Variants in AMPH observed in about 807,000 individuals in gnomAD.
AMPH encodes amphiphysin.
AMPH carries 49 observed loss-of-function variants against 99.1 expected under a neutral mutation model. The ratio of observed to expected loss-of-function variants is 0.49; its 90% CI spans 0.39 to 0.63. The LOEUF is 0.63. Among genes scored for constraint, AMPH ranks in the 20% least tolerant of loss-of-function variants. AMPH has a pLI of 0.00. For missense variants in AMPH, 759 were observed against 863.4 expected (o/e 0.88, Z 1.52); for synonymous variants, 314 against 317.3 (o/e 0.99, Z 0.11).
At chr7:38,521,879 C>T (rs1789977350) in intron 2 of AMPH, among the ~76,000 whole-genome samples, 1 of 152,126 alleles carries the variant, frequency 6.6e-6, no homozygotes, top group African/African-American at 2.4e-5. Context: ...GTAGGCGCTT[C>T]CCATGTACAC....
intron 1 of AMPH, among the ~76,000 whole-genome samples, chr7:38,601,346 C>T (rs893663950): frequency 1.3e-5 from 2 of 152,198 alleles, no homozygotes; most frequent in African/African-American, 4.8e-5. Flanking sequence ...GTTAAAATAG[C>T]ATCTCATTAA....
chr7:38,441,853 T>TATATATC (rs749231938), intron 11 of AMPH, among the ~76,000 whole-genome samples: 10 of 91,028 alleles, frequency 1.1e-4, no homozygotes, highest in African/African-American at 2.7e-4. Context: ...ATATATATCA[T>TATATATC]ATATATCATA....
At chr7:38,435,634 C>T (rs1348384895) in intron 12 of AMPH, among the ~76,000 whole-genome samples, 2 of 152,164 alleles carry the variant, frequency 1.3e-5, no homozygotes, top group Non-Finnish European at 2.9e-5. Flanking sequence ...CCACCAGTAT[C>T]CTCTGACAGA....
intron 1 of AMPH, among the ~76,000 whole-genome samples, chr7:38,602,396 C>T (rs2129061818): frequency 6.6e-6 from 1 of 152,334 alleles, no homozygotes; most frequent in Middle Eastern, 3.4e-3. Flanking sequence ...TCTTACCAGG[C>T]TAACATCGAG....
At chr7:38,469,498 C>T (rs1584133285) in intron 7 of AMPH, among the ~76,000 whole-genome samples, 1 of 152,096 alleles carries the variant, frequency 6.6e-6, no homozygotes, top group Admixed American at 6.5e-5. Context: ...TCCTGCAGAC[C>T]CTCTTGCAGT....
intron 1 of AMPH, among the ~76,000 whole-genome samples, chr7:38,549,909 C>T (rs1016347630): frequency 6.6e-6 from 1 of 152,144 alleles, no homozygotes; most frequent in African/African-American, 2.4e-5. Flanking sequence ...TTAAAATGAT[C>T]GAGATATGTT....
chr7:38,396,073 C>T (rs767057596), intron 17 of AMPH, among the ~76,000 whole-genome samples: 32 of 152,322 alleles, frequency 2.1e-4, no homozygotes, highest in Non-Finnish European at 3.5e-4. Context: ...TGAGAATCTC[C>T]TATTACGAGG....
intron 1 of AMPH, among the ~76,000 whole-genome samples, chr7:38,539,460 T>C (rs1022499778): frequency 6.6e-6 from 1 of 151,892 alleles, no homozygotes; most frequent in African/African-American, 2.4e-5. Flanking sequence ...GGTCACACAG[T>C]AAGAAAAGTT....
chr7:38,621,356 C>T (rs1405362901), intron 1 of AMPH, among the ~76,000 whole-genome samples: 1 of 152,196 alleles, frequency 6.6e-6, no homozygotes, highest in Non-Finnish European at 1.5e-5. Context: ...GCTCTGTATG[C>T]TCAACCAGGA....
At chr7:38,398,800 C>T (rs1232501224) in intron 17 of AMPH, among the ~76,000 whole-genome samples, 1 of 152,054 alleles carries the variant, frequency 6.6e-6, no homozygotes, top group African/African-American at 2.4e-5. Context: ...ATCTCACGTA[C>T]CTCATAAATA....
intron 2 of AMPH, 142 bp downstream of exon 2, chr7:38,534,789 C>T (rs1039610356): frequency 3.6e-5 from 25 of 691,378 alleles, no homozygotes; most frequent in Middle Eastern, 5.9e-4. Context: ...ATAGGAAATT[C>T]TCCAGAATTA....
In AMPH at chr7:38,394,189, G is replaced by C. The variant is rs747112662; in HGVS notation, c.1424C>G (p.Ala475Gly). Residue 475 changes from alanine (A) to glycine (G), a missense_variant, in exon 18 of 21, where the codon GCA (alanine) becomes GGA (glycine). By Grantham distance (60) the Ala-to-Gly change is moderately conservative. Transcript: ENST00000356264. ...TGCTGACACCAAGGTTCCAACAGCTGCATCAGCATCAGCTCCAGGTATGAT... is the reference window on the plus strand; with the variant it reads ...TGCTGACACCAAGGTTCCAACAGCTCCATCAGCATCAGCTCCAGGTATGAT... The part of the protein sequence containing the change: ...AVIIPGADAD[A>G]AVGTLVSAAE... 12 of 1,614,194 alleles carry C rather than the reference G, an allele frequency of 7.4e-6. No individual in the cohort carries two copies. In the East Asian group the frequency reaches 1.3e-4, roughly 18 times the overall value.
intron 1 of AMPH, among the ~76,000 whole-genome samples, chr7:38,564,181 G>T (rs1791649191): frequency 6.6e-6 from 1 of 152,150 alleles, no homozygotes; most frequent in Admixed American, 6.6e-5. Flanking sequence ...TGAAAGCAAG[G>T]GCATAACTAG....
chr7:38,497,954 C>G (rs921062169), intron 3 of AMPH, among the ~76,000 whole-genome samples: 2 of 152,216 alleles, frequency 1.3e-5, no homozygotes, highest in Non-Finnish European at 2.9e-5. Context: ...CTGGCATGTT[C>G]ATCATCCCTG....
chr7:38,476,952 G>A lies in AMPH; in HGVS notation c.414C>T (p.Arg138=). 1 of 1,613,680 alleles carries A rather than the reference G, an allele frequency of 6.2e-7. No homozygotes were observed. Among genetic ancestry groups the A allele is most frequent in the Non-Finnish European group, 8.5e-7 (1 of 1,179,790 alleles). ...TGTCATAGTCCACTAGCTTCCTGCT[G>A]CGCTTGGCGATGCGATTCTGTCAAC... ...FPDIKNRIAK[R]SRKLVDYDSA... Residue 138 remains arginine (R), a synonymous_variant, in exon 6 of 21, where the codon CGC becomes CGT. Coordinates refer to ENST00000356264, the MANE Select transcript of AMPH (RefSeq NM_001635.4).
At chr7:38,440,490 T>C (rs1055944895) in intron 11 of AMPH, among the ~76,000 whole-genome samples, 51 of 152,266 alleles carry the variant, frequency 3.3e-4, no homozygotes, top group African/African-American at 1.2e-3. Flanking sequence ...CCAGAAATAG[T>C]AACTGCCTAG....
rs1482582710 is a variant in AMPH at position 38,631,198 on chromosome 7, G to C, written c.69+85C>G. On this transcript the variant is annotated intron_variant, in intron 1 of 20. Coordinates refer to ENST00000356264, the MANE Select transcript of AMPH (RefSeq NM_001635.4). ...CGCAGCGCGCCGCACCCCGAGGCTC[G>C]GGCCCCGCACAGCTGCAGCCGGTGC... 2.5e-5 allele frequency: 30 copies of C among 1,213,606 alleles called. 1 individual carries two copies. In the South Asian group the frequency reaches 5.3e-4, roughly 22 times the overall value. The allele number at this position is 1,213,606 out of a possible 1,614,324, so 75.2% of individuals were successfully genotyped here. A position where few individuals can be genotyped will look rare whatever the true frequency, so the allele number is the denominator to read the frequency against.
At chr7:38,540,227 A>G (rs1004593403) in intron 1 of AMPH, among the ~76,000 whole-genome samples, 1 of 152,216 alleles carries the variant, frequency 6.6e-6, no homozygotes, top group Non-Finnish European at 1.5e-5. Context: ...TTTCATCTAC[A>G]TTGACACGTT....
intron 2 of AMPH, among the ~76,000 whole-genome samples, chr7:38,519,698 C>T (rs1160810600): frequency 5.3e-5 from 8 of 152,168 alleles, no homozygotes; most frequent in African/African-American, 1.4e-4. Flanking sequence ...CCAGGAGTGA[C>T]CAAAACTTTG....
Sources: allele counts gnomAD v4.1 joint callset (sites outside exome capture counted in the v4.1 genomes callset), GRCh38; gene constraint gnomAD v4.1.1; transcripts MANE v1.5; gene names NCBI Gene and HGNC (gene_info 2026-07-23, HGNC 2026-07-21).